HMBOX1: variants seen among roughly 807,000 people sequenced by gnomAD.
HMBOX1 encodes the protein homeobox containing 1, also known as homeobox-containing protein 1.
Under a neutral mutation model 54.5 loss-of-function variants are expected in HMBOX1, and 14 were observed. That is an observed-to-expected ratio of 0.26 (90% confidence interval 0.17 to 0.40). The LOEUF is 0.40. Ranked by LOEUF, HMBOX1 falls within the 10% of genes least tolerant of loss-of-function variation. HMBOX1 has a pLI of 1.00. For synonymous variants in HMBOX1, 160 were observed against 181.0 expected (o/e 0.88, Z 0.93); for missense variants, 332 against 514.4 (o/e 0.65, Z 3.43).
At chr8:28,978,102 C>T (rs921312878) in intron 3 of HMBOX1, among the ~76,000 whole-genome samples, 4 of 152,156 alleles carry the variant, frequency 2.6e-5, no homozygotes, top group African/African-American at 7.2e-5. Flanking sequence ...GGATTTCCAA[C>T]TGATAGATCA....
At chr8:28,936,783 C>A (rs761934152) in intron 1 of HMBOX1, among the ~76,000 whole-genome samples, 32 of 144,978 alleles carry the variant, frequency 2.2e-4, no homozygotes, top group Non-Finnish European at 3.9e-4. Flanking sequence ...CATCAAGGGC[C>A]ACTGAACCAG....
chr8:29,040,299 A>G (rs1329659706), intron 6 of HMBOX1, among the ~76,000 whole-genome samples: 1 of 152,220 alleles, frequency 6.6e-6, no homozygotes, highest in Non-Finnish European at 1.5e-5. Context: ...TGCCTTATGC[A>G]TAGTCATGTA....
rs183128391 is a variant in HMBOX1, at chr8:29,001,376, C to T, written c.587-7696C>T. Among the ~76,000 whole-genome samples, 15 of 152,200 alleles carry T rather than the reference C, an allele frequency of 9.9e-5. No homozygotes were observed. The East Asian group carries it at 2.9e-3, about 29-fold the overall frequency. On this transcript the variant is annotated intron_variant, in intron 4 of 9. Transcript: ENST00000287701. ...ATCAGCCTGGCCAATGTGGCAAAAC[C>T]CTGTCTCTACTAAAAATACAAAAAT...
intron 1 of HMBOX1, among the ~76,000 whole-genome samples, chr8:28,959,466 A>T (rs1042094164): frequency 2.6e-5 from 4 of 152,206 alleles, no homozygotes; most frequent in African/African-American, 9.7e-5. Flanking sequence ...TCCACGTAAT[A>T]TTCTCGGACC....
At chr8:29,001,255 A>G (rs1832595543) in intron 4 of HMBOX1, among the ~76,000 whole-genome samples, 1 of 152,204 alleles carries the variant, frequency 6.6e-6, no homozygotes, top group African/African-American at 2.4e-5. Context: ...TATATTTAAA[A>G]ATAAGGCATT....
Position 29,051,011 on chromosome 8 carries a change from C to A in HMBOX1, c.1126-7C>A. 1 of 1,610,172 alleles carries A rather than the reference C, an allele frequency of 6.2e-7. No individual in the cohort carries two copies. The highest frequency in any genetic ancestry group is 8.5e-7 in the Non-Finnish European group (1 of 1,178,944). On this transcript the variant is annotated splice_region_variant and splice_polypyrimidine_tract_variant and intron_variant, in intron 9 of 9. Transcript: ENST00000287701. ...ACTAATAACATTTCTTATTTCTGCA[C>A]ATCTAGGATGACAGTACGAGCCATA...
chr8:28,893,947 CTTGGGAA>C (rs1811544927), intron 1 of HMBOX1, among the ~76,000 whole-genome samples: 1 of 152,166 alleles, frequency 6.6e-6, no homozygotes, highest in Non-Finnish European at 1.5e-5. Context: ...AATTATTTCT[CTTGGGAA>C]TCAGGTATTT....
chr8:28,972,090 A>T (rs996409308), intron 3 of HMBOX1, among the ~76,000 whole-genome samples: 3 of 152,250 alleles, frequency 2.0e-5, no homozygotes, highest in African/African-American at 7.2e-5. Flanking sequence ...CAACTTTATT[A>T]TATGAAATTC....
chr8:29,006,336 G>A (rs1161539495), intron 4 of HMBOX1, among the ~76,000 whole-genome samples: 1 of 151,896 alleles, frequency 6.6e-6, no homozygotes, highest in Non-Finnish European at 1.5e-5. Flanking sequence ...TTCACATTGG[G>A]GGCTATTATG....
intron 1 of HMBOX1, among the ~76,000 whole-genome samples, chr8:28,927,472 C>CA (rs1818732282): frequency 6.6e-6 from 1 of 151,978 alleles, no homozygotes; most frequent in Non-Finnish European, 1.5e-5. Context: ...TACTTCCACT[C>CA]ATGGTGGAAG....
At chr8:28,979,492 C>A (rs1828997354) in intron 3 of HMBOX1, among the ~76,000 whole-genome samples, 1 of 152,066 alleles carries the variant, frequency 6.6e-6, no homozygotes, top group Admixed American at 6.5e-5. Flanking sequence ...TCAACGGATC[C>A]CACTTTAAAT....
chr8:28,986,794 TTCTA>T (rs1412973652), intron 4 of HMBOX1, among the ~76,000 whole-genome samples: 2 of 152,192 alleles, frequency 1.3e-5, no homozygotes, highest in Non-Finnish European at 2.9e-5. Context: ...TCTCATTTCC[TTCTA>T]TCTTATTCTT....
intron 1 of HMBOX1, among the ~76,000 whole-genome samples, chr8:28,956,866 T>G (rs1370454594): frequency 6.6e-6 from 1 of 152,202 alleles, no homozygotes; most frequent in African/African-American, 2.4e-5. Context: ...AAAGAAGACT[T>G]ACAAGCAGCC....
chr8:28,994,830 T>C (rs1444896771), intron 4 of HMBOX1, among the ~76,000 whole-genome samples: 1 of 152,106 alleles, frequency 6.6e-6, no homozygotes, highest in Non-Finnish European at 1.5e-5. Context: ...AGACAAAATA[T>C]AAATGGCCAA....
intron 4 of HMBOX1, among the ~76,000 whole-genome samples, chr8:28,996,509 T>A (rs190373242): frequency 1.3e-5 from 2 of 152,058 alleles, no homozygotes; most frequent in African/African-American, 4.8e-5. Flanking sequence ...ATCCCAGCTA[T>A]TTGGGAGGCT....
At chr8:29,024,167 T>TGTAA (rs1801651244) in intron 6 of HMBOX1, among the ~76,000 whole-genome samples, 1 of 152,146 alleles carries the variant, frequency 6.6e-6, no homozygotes, top group Non-Finnish European at 1.5e-5. Context: ...GGAGCTAACA[T>TGTAA]GTAAGTAATT....
At chr8:28,928,384 C>A (rs1328287934) in intron 1 of HMBOX1, among the ~76,000 whole-genome samples, 1 of 152,136 alleles carries the variant, frequency 6.6e-6, no homozygotes, top group East Asian at 1.9e-4. Context: ...TATGATTAGA[C>A]TCAAGAAATC....
chr8:28,975,183 T>C (rs973298550), intron 3 of HMBOX1, among the ~76,000 whole-genome samples: 7 of 152,186 alleles, frequency 4.6e-5, no homozygotes, highest in African/African-American at 1.7e-4. Flanking sequence ...AACCCCATAA[T>C]TGAATAAGGC....
chr8:28,909,963 G>A (rs543938426), intron 1 of HMBOX1, among the ~76,000 whole-genome samples: 3 of 152,064 alleles, frequency 2.0e-5, no homozygotes, highest in Non-Finnish European at 4.4e-5. Context: ...GGGCTCAGGT[G>A]ATTCTCCTGC....
Sources: gnomAD v4.1 joint callset for allele counts (sites outside exome capture counted in the v4.1 genomes callset) on GRCh38, gnomAD v4.1.1 for gene constraint, MANE v1.5 for transcripts, NCBI Gene and HGNC (gene_info 2026-07-23, HGNC 2026-07-21) for gene names.